Variants in DGKD observed in about 807,000 individuals in gnomAD.
DGKD encodes DAG kinase delta.
A neutral mutation model predicts 154.4 loss-of-function variants in DGKD; 68 were observed. That is an observed-to-expected ratio of 0.44 (90% CI 0.36 to 0.54). The LOEUF is 0.54. Ranked by LOEUF, DGKD falls within the 20% of genes least tolerant of loss-of-function variation. The pLI, the probability that DGKD is intolerant of heterozygous loss-of-function variation, is 0.00. For synonymous variants in DGKD, 693 were observed against 638.0 expected, an observed-to-expected ratio of 1.09 and a Z score of -1.30; for missense variants, 1,343 against 1,593.6, an observed-to-expected ratio of 0.84 and a Z score of 2.68.
intron 3 of DGKD, among the ~76,000 whole-genome samples, chr2:233,416,800 A>C (rs1414193006): frequency 6.6e-6 from 1 of 152,138 alleles, no homozygotes; most frequent in African/African-American, 2.4e-5. Context: ...TCAGTAGCTG[A>C]AGGATGCAGG....
Position 233,446,862 on chromosome 2 carries a change from G to A in DGKD, c.1419+66G>A, listed in dbSNP as rs1480870731. On this transcript the variant is annotated intron_variant, in intron 12 of 29. Transcript: ENST00000264057. ...TGTGATCAGAACTGTCCTGTCAGCG[G>A]TTTGCATCACCTCCCTTGCAGAGAC... The A allele has an allele frequency of 2.5e-6, 4 of 1,573,546 alleles. No homozygotes were observed. In the East Asian group the frequency reaches 6.8e-5, roughly 27 times the overall value.
chr2:233,466,880 C>A (rs1376312668), intron 27 of DGKD, among the ~76,000 whole-genome samples: 1 of 152,176 alleles, frequency 6.6e-6, no homozygotes, highest in East Asian at 1.9e-4. Context: ...ACACTATGAT[C>A]ACTTTGAAAC....
chr2:233,460,765 G>A (rs1358523203), intron 24 of DGKD, among the ~76,000 whole-genome samples: 3 of 152,138 alleles, frequency 2.0e-5, no homozygotes, highest in Non-Finnish European at 2.9e-5. Context: ...GGTGGCGGGC[G>A]CCTGTAGTCC....
chr2:233,469,478 T>C lies in DGKD; in HGVS notation c.*18T>C, dbSNP rs1372346133. The C allele has an allele frequency of 1.3e-6, 2 of 1,581,020 alleles. No individual in the cohort carries two copies. The highest frequency in any genetic ancestry group is 8.6e-7 in the Non-Finnish European group (1 of 1,163,882). ...AGGCCTAGCCTCTGTCCTCTCAGCCTGTGGCCTCCACATCCCCGCCGCCGA... is the reference window on the plus strand; with the variant it reads ...AGGCCTAGCCTCTGTCCTCTCAGCCCGTGGCCTCCACATCCCCGCCGCCGA... On this transcript the variant is annotated 3_prime_UTR_variant, in exon 30 of 30. Coordinates refer to ENST00000264057, the MANE Select transcript of DGKD (RefSeq NM_152879.3).
At chr2:233,402,890 G>A (rs753245913) in intron 3 of DGKD, among the ~76,000 whole-genome samples, 2 of 152,192 alleles carry the variant, frequency 1.3e-5, no homozygotes, top group African/African-American at 2.4e-5. Flanking sequence ...GGTGTACGGG[G>A]TAGGTAAGTG....
chr2:233,393,061 G>A (rs186929998), intron 3 of DGKD, among the ~76,000 whole-genome samples: 303 of 152,258 alleles, frequency 2.0e-3, no homozygotes, highest in Non-Finnish European at 3.1e-3. Flanking sequence ...CTGTTGCCCA[G>A]GCTGGAAGGC....
chr2:233,464,362 C>A, intron 27 of DGKD, 79 bp downstream of exon 27: 1 of 1,561,842 alleles, frequency 6.4e-7, no homozygotes, highest in Non-Finnish European at 8.8e-7. Context: ...CCTTGTGACC[C>A]GTGTGGCTCT....
chr2:233,461,261 T>C (rs3768799), intron 24 of DGKD, among the ~76,000 whole-genome samples: 29,248 of 152,186 alleles, frequency 0.19, 4,327 homozygotes, highest in African/African-American at 0.41. Context: ...TGCCCTGGTG[T>C]CCCTTTCTTG....
chr2:233,391,485 G>C (rs942532347), intron 3 of DGKD, among the ~76,000 whole-genome samples: 5 of 152,038 alleles, frequency 3.3e-5, no homozygotes, highest in African/African-American at 1.2e-4. Flanking sequence ...TTATTTAATG[G>C]CTATAGTAGC....
Position 233,436,326 on chromosome 2 carries a change from C to T in DGKD, c.704C>T (p.Pro235Leu). The T allele has an allele frequency of 1.2e-6, 2 of 1,614,182 alleles. No individual in the cohort carries two copies. The highest frequency in any genetic ancestry group is 1.7e-6 in the Non-Finnish European group (2 of 1,180,040). Residue 235 changes from proline (P) to leucine (L), a missense_variant, in exon 7 of 30, where the codon CCC becomes CTC. Pro to Leu is a moderately conservative substitution (Grantham distance 98). Around this residue, in one of 6 missense-constraint regions of DGKD, gnomAD observed 332 missense variants for 400.1 expected, o/e 0.83. Coordinates refer to ENST00000264057, the MANE Select transcript of DGKD (RefSeq NM_152879.3). The part of the protein sequence containing the change: ...IIEDADGIAM[P>L]HQWLEGNLPV... ...TCTGTTTGGTTGCAGATTGCAATGCCCCACCAGTGGTTGGAAGGAAACCTA... is the reference window on the plus strand; with the variant it reads ...TCTGTTTGGTTGCAGATTGCAATGCTCCACCAGTGGTTGGAAGGAAACCTA...
intron 27 of DGKD, among the ~76,000 whole-genome samples, chr2:233,465,997 A>G (rs2063812462): frequency 6.6e-6 from 1 of 152,214 alleles, no homozygotes; most frequent in Non-Finnish European, 1.5e-5. Flanking sequence ...GTAAAATACA[A>G]TAATTGTTAT....
At position 233,449,482 on chromosome 2, in the gene DGKD, C is replaced by A; in HGVS notation, c.1888+106C>A. The A allele has an allele frequency of 7.1e-7, 1 of 1,411,374 alleles. No individual in the cohort carries two copies. Among genetic ancestry groups the A allele is most frequent in the Non-Finnish European group, 9.4e-7 (1 of 1,065,762 alleles). The allele number at this position is 1,411,374 out of a possible 1,614,324, so 87.4% of individuals were successfully genotyped here. A position where few individuals can be genotyped will look rare whatever the true frequency, so the allele number is the denominator to read the frequency against. Reference sequence around the variant, plus strand: ...AGAAGGGTGCATGTTGAGAAAACCTCCACTGCGGCCCTCTCCACCCATGTC... The same window carrying A: ...AGAAGGGTGCATGTTGAGAAAACCTACACTGCGGCCCTCTCCACCCATGTC... On this transcript the variant is annotated intron_variant, in intron 15 of 29. Coordinates refer to ENST00000264057, the MANE Select transcript of DGKD (RefSeq NM_152879.3). This position sits in a 1 kb window ranked among gnomAD's most constrained non-coding sequence, Gnocchi z 5.3.
chr2:233,417,509 A>G (rs1023049107), intron 3 of DGKD, among the ~76,000 whole-genome samples: 6 of 151,768 alleles, frequency 4.0e-5, no homozygotes, highest in Admixed American at 6.6e-5. Flanking sequence ...ACTTCTTTTT[A>G]CTTTTATTGT....
intron 12 of DGKD, chr2:233,447,572 C>A: frequency 1.0e-6 from 1 of 985,576 alleles, no homozygotes; most frequent in Non-Finnish European, 1.2e-6. Flanking sequence ...CCAGAATATT[C>A]GCTGTCTGGC....
chr2:233,454,914 T>C (rs2124901002), intron 19 of DGKD, 41 bp downstream of exon 19: 1 of 1,276,568 alleles, frequency 7.8e-7, no homozygotes, highest in Non-Finnish European at 1.1e-6. Context: ...TTTTGCGTCT[T>C]TGTGGCTTCT....
chr2:233,426,427 G>A (rs2062300821), intron 3 of DGKD, among the ~76,000 whole-genome samples: 1 of 152,090 alleles, frequency 6.6e-6, no homozygotes, highest in Non-Finnish European at 1.5e-5. Context: ...TCCCGACCAC[G>A]GAGAACACTG....
intron 3 of DGKD, among the ~76,000 whole-genome samples, chr2:233,396,788 C>T (rs543622567): frequency 2.6e-4 from 40 of 151,944 alleles, no homozygotes; most frequent in Non-Finnish European, 3.4e-4. Flanking sequence ...ATAGGCACCT[C>T]GGGGATGGGG....
intron 18 of DGKD, 157 bp from the exon 19 acceptor site, chr2:233,454,606 G>A: frequency 1.7e-6 from 1 of 598,360 alleles, no homozygotes; most frequent in East Asian, 2.9e-5. Flanking sequence ...TTTTAAATTG[G>A]TAAATTATCT....
intron 5 of DGKD, 108 bp downstream of exon 5, chr2:233,435,009 T>C (rs187318580): frequency 5.4e-6 from 8 of 1,489,838 alleles, no homozygotes; most frequent in Non-Finnish European, 7.2e-6. Flanking sequence ...TTGTCACCCA[T>C]GTGGTCAGTC....
Sources: allele counts gnomAD v4.1 joint callset (sites outside exome capture counted in the v4.1 genomes callset), GRCh38; gene constraint gnomAD v4.1.1; regional missense constraint gnomAD v4.1.1; non-coding constraint Gnocchi (gnomAD v3.1); transcripts MANE v1.5; gene names NCBI Gene and HGNC (gene_info 2026-07-23, HGNC 2026-07-21).